BTC: variants seen among roughly 807,000 people sequenced by gnomAD.
The protein encoded by BTC is betacellulin.
In BTC, 13 loss-of-function variants were observed where a neutral mutation model predicts 18.1. The ratio of observed to expected loss-of-function variants is 0.72; its 90% CI spans 0.47 to 1.14. The LOEUF (loss-of-function observed/expected upper bound fraction) is 1.14. Ranked by LOEUF, BTC falls within the 50% of genes most tolerant of loss-of-function variation. The pLI, the probability that BTC is intolerant of heterozygous loss-of-function variation, is 0.00. For missense variants in BTC, 247 were observed against 224.2 expected (o/e 1.10, Z -0.65); for synonymous variants, 83 against 79.4 (o/e 1.05, Z -0.24).
chr4:74,766,208 A>G (rs1388432296), intron 2 of BTC, among the ~76,000 whole-genome samples: 1 of 152,100 alleles, frequency 6.6e-6, no homozygotes, highest in Admixed American at 6.6e-5. Flanking sequence ...CTAGGACGTT[A>G]TCATAAACCA....
At chr4:74,769,956 T>G in intron 2 of BTC, 102 bp downstream of exon 2, 1 of 956,318 alleles carries the variant, frequency 1.0e-6, no homozygotes, top group Admixed American at 2.5e-5. Context: ...GCACAGTGAC[T>G]GGTACCTTAA....
chr4:74,791,064 C>A (rs1469325494), intron 1 of BTC, among the ~76,000 whole-genome samples: 1 of 152,186 alleles, frequency 6.6e-6, no homozygotes, highest in Non-Finnish European at 1.5e-5. Flanking sequence ...ACATTCTGCA[C>A]TTGAATGTCC....
At chr4:74,789,283 T>C (rs1330405903) in intron 1 of BTC, among the ~76,000 whole-genome samples, 2 of 152,218 alleles carry the variant, frequency 1.3e-5, no homozygotes, top group African/African-American at 4.8e-5. Context: ...TGGTGACTAT[T>C]ATGGCAGTTT....
At chr4:74,761,099 C>G (rs1340090587) in intron 2 of BTC, among the ~76,000 whole-genome samples, 2 of 150,750 alleles carry the variant, frequency 1.3e-5, no homozygotes, top group African/African-American at 4.9e-5. Context: ...GGGCCTTCAC[C>G]CAGAGCTGCC....
At chr4:74,758,310 T>A (rs781797955) in intron 2 of BTC, among the ~76,000 whole-genome samples, 8 of 152,228 alleles carry the variant, frequency 5.3e-5, no homozygotes, top group Non-Finnish European at 1.2e-4. Context: ...ATGATTCCTA[T>A]GGATGAAATT....
At chr4:74,750,483 A>C (rs540095446) in intron 4 of BTC, 90 bp downstream of exon 4, 1 of 1,354,954 alleles carries the variant, frequency 7.4e-7, no homozygotes, top group East Asian at 2.4e-5. Flanking sequence ...AGAAAAAGCA[A>C]AAGAGAATGT....
intron 1 of BTC, among the ~76,000 whole-genome samples, chr4:74,775,298 G>A (rs995186815): frequency 2.0e-5 from 3 of 152,090 alleles, no homozygotes; most frequent in Non-Finnish European, 4.4e-5. Context: ...CTGATTAAGG[G>A]CAGAATTCTG....
At chr4:74,791,952 A>G (rs1263649805) in intron 1 of BTC, among the ~76,000 whole-genome samples, 1 of 147,708 alleles carries the variant, frequency 6.8e-6, no homozygotes, top group African/African-American at 2.5e-5. Context: ...GCCCACTCTC[A>G]TCGCATTTCC....
intron 2 of BTC, among the ~76,000 whole-genome samples, chr4:74,762,787 G>A (rs1162975328): frequency 6.6e-6 from 1 of 152,060 alleles, no homozygotes; most frequent in Non-Finnish European, 1.5e-5. Flanking sequence ...GATGTTTTAA[G>A]GTAATGCAGT....
At chr4:74,787,552 A>G (rs981175261) in intron 1 of BTC, among the ~76,000 whole-genome samples, 2 of 152,180 alleles carry the variant, frequency 1.3e-5, no homozygotes, top group African/African-American at 4.8e-5. Flanking sequence ...TTTTAATCCA[A>G]TTGCTTTCCT....
chr4:74,790,193 A>G (rs186090257), intron 1 of BTC, among the ~76,000 whole-genome samples: 1 of 152,354 alleles, frequency 6.6e-6, no homozygotes, highest in African/African-American at 2.4e-5. Context: ...GGAAGTATCC[A>G]GAATCAAAAT....
intron 1 of BTC, among the ~76,000 whole-genome samples, chr4:74,773,246 G>A (rs1287957215): frequency 6.6e-6 from 1 of 152,132 alleles, no homozygotes; most frequent in East Asian, 1.9e-4. Context: ...GGTCTCGCAA[G>A]ACAGATCTGA....
At chr4:74,758,450 C>A (rs570708138) in intron 2 of BTC, among the ~76,000 whole-genome samples, 1 of 151,680 alleles carries the variant, frequency 6.6e-6, no homozygotes, top group Non-Finnish European at 1.5e-5. Flanking sequence ...TGAGTCTGGG[C>A]GAAGGGGAGG....
chr4:74,751,951 C>A (rs1273419661), intron 3 of BTC, among the ~76,000 whole-genome samples: 1 of 152,138 alleles, frequency 6.6e-6, no homozygotes, highest in Non-Finnish European at 1.5e-5. Context: ...AGATTAAATT[C>A]TGCTCCTTAG....
chr4:74,746,727 A>G (rs1724300724), intron 5 of BTC, 52 bp from the exon 6 acceptor site: 1 of 152,580 alleles, frequency 6.6e-6, no homozygotes, highest in African/African-American at 2.4e-5. Context: ...GGACTATGCA[A>G]TAATAATAAT....
intron 2 of BTC, among the ~76,000 whole-genome samples, chr4:74,760,208 T>G (rs1464183242): frequency 6.6e-6 from 1 of 152,212 alleles, no homozygotes; most frequent in Non-Finnish European, 1.5e-5. Context: ...TATAGCCTTA[T>G]AGTATCTCCA....
chr4:74,750,348 A>C (rs1333171877), intron 4 of BTC, among the ~76,000 whole-genome samples: 2 of 152,218 alleles, frequency 1.3e-5, no homozygotes, highest in Non-Finnish European at 2.9e-5. Flanking sequence ...CCTACTATAC[A>C]AATTTTATTT....
chr4:74,777,691 G>C (rs1245657132), intron 1 of BTC, among the ~76,000 whole-genome samples: 1 of 151,988 alleles, frequency 6.6e-6, no homozygotes, highest in Admixed American at 6.6e-5. Context: ...ATAGTTCTTT[G>C]TGTTTTCAGT....
chr4:74,760,188 T>C (rs971454022), intron 2 of BTC, among the ~76,000 whole-genome samples: 1 of 152,214 alleles, frequency 6.6e-6, no homozygotes, highest in Non-Finnish European at 1.5e-5. Context: ...GTAATACCTA[T>C]TACAATGGTT....
Sources: gnomAD v4.1 joint callset for allele counts (sites outside exome capture counted in the v4.1 genomes callset) on GRCh38, gnomAD v4.1.1 for gene constraint, MANE v1.5 for transcripts, NCBI Gene and HGNC (gene_info 2026-07-23, HGNC 2026-07-21) for gene names.